Variants in ZNF385D observed in about 807,000 individuals in gnomAD.
ZNF385D encodes zinc finger protein 659.
In ZNF385D, 15 loss-of-function variants were observed where a neutral mutation model predicts 35.8. The observed-to-expected ratio is 0.42, with a 90% CI of 0.28 to 0.64. The LOEUF is 0.64. Ranked by LOEUF, ZNF385D falls within the 30% of genes least tolerant of loss-of-function variation. ZNF385D has a pLI of 0.23. For synonymous variants in ZNF385D, 212 were observed against 186.8 expected (o/e 1.13, Z -1.10); for missense variants, 474 against 494.6 (o/e 0.96, Z 0.39).
intron 3 of ZNF385D, among the ~76,000 whole-genome samples, chr3:21,813,545 T>C (rs2073023269): frequency 1.3e-5 from 2 of 152,138 alleles, no homozygotes; most frequent in Non-Finnish European, 1.5e-5. Context: ...ACGAGAATTA[T>C]GCGACTCATG....
intron 4 of ZNF385D, among the ~76,000 whole-genome samples, chr3:21,494,008 A>G: frequency 6.6e-6 from 1 of 152,052 alleles, no homozygotes; most frequent in East Asian, 1.9e-4. Flanking sequence ...GGGTTTTGTT[A>G]TTCCAGAGAA....
In ZNF385D at chr3:22,317,044, G is replaced by A. The variant is rs370832523; in HGVS notation, c.106+55406C>T. ...TGAAATCCGAACACTTTGGGAGGCC[G>A]AGGTGGGCGGATTACCTGAGGTCAG... On this transcript the variant is annotated intron_variant, in intron 2 of 5. Transcript: ENST00000494108. Among the ~76,000 whole-genome samples the A allele has an allele frequency of 6.8e-4, 103 of 152,028 alleles. 2 individuals carry two copies. The highest frequency in any genetic ancestry group is 6.0e-3 in the South Asian group (29 of 4,810).
At chr3:21,752,495 T>G (rs771223925), upstream of ZNF385D, among the ~76,000 whole-genome samples, 9 of 152,190 alleles carry the variant, frequency 5.9e-5, no homozygotes, top group Non-Finnish European at 1.0e-4. Context: ...GCATAGAAAC[T>G]AGGGGGCTGA....
intron 3 of ZNF385D, among the ~76,000 whole-genome samples, chr3:22,163,431 G>C (rs896947190): frequency 7.2e-5 from 11 of 152,102 alleles, no homozygotes; most frequent in African/African-American, 2.7e-4. Flanking sequence ...GTGATCTTCA[G>C]AAGATCATTT....
chr3:22,169,832 T>C (rs1362729621), intron 2 of ZNF385D, among the ~76,000 whole-genome samples: 2 of 152,180 alleles, frequency 1.3e-5, no homozygotes, highest in Non-Finnish European at 2.9e-5. Context: ...TTTCACTCTG[T>C]CACTTAAGCT....
chr3:22,119,267 A>G (rs534196147), intron 3 of ZNF385D, among the ~76,000 whole-genome samples: 1 of 152,278 alleles, frequency 6.6e-6, no homozygotes, highest in East Asian at 1.9e-4. Flanking sequence ...CATCTTCATT[A>G]CTATAAAATT....
At chr3:22,151,575 G>A (rs78271522) in intron 3 of ZNF385D, among the ~76,000 whole-genome samples, 2 of 152,074 alleles carry the variant, frequency 1.3e-5, no homozygotes, top group Non-Finnish European at 1.5e-5. Context: ...GTGACTAAAG[G>A]CAAGTCAGCT....
chr3:21,486,600 G>T (rs796140197), intron 4 of ZNF385D, among the ~76,000 whole-genome samples: 12 of 152,146 alleles, frequency 7.9e-5, no homozygotes, highest in African/African-American at 2.2e-4. Context: ...CCTATCTGCT[G>T]GGAAGTAAAA....
intron 2 of ZNF385D, among the ~76,000 whole-genome samples, chr3:22,361,016 CCATTT>C (rs1308265208): frequency 6.6e-6 from 1 of 151,962 alleles, no homozygotes; most frequent in Non-Finnish European, 1.5e-5. Context: ...TTAAAATATC[CCATTT>C]CATTTATGAG....
intron 3 of ZNF385D, among the ~76,000 whole-genome samples, chr3:21,762,750 G>T (rs999573456): frequency 6.6e-6 from 1 of 152,120 alleles, no homozygotes; most frequent in East Asian, 1.9e-4. Context: ...GCTGTGGAGA[G>T]CTGCCTTGTC....
chr3:21,521,578 C>T (rs1182890034), intron 3 of ZNF385D, among the ~76,000 whole-genome samples: 2 of 150,282 alleles, frequency 1.3e-5, no homozygotes, highest in African/African-American at 2.5e-5. Context: ...CAAAGCAAAA[C>T]CCCCAACTCT....
Position 21,474,573 on chromosome 3 carries a change from C to T in ZNF385D, c.439+36288G>A, listed in dbSNP as rs543795000. 2.0e-4 allele frequency among the ~76,000 whole-genome samples: 31 copies of T among 152,236 alleles called. No individual in the cohort carries two copies. In the South Asian group the frequency reaches 6.4e-3, roughly 32 times the overall value. ...TACACACAAATGAGCCTTTATCCTA[C>T]ACCATCTGCTTATAGTACAAACTGC... On this transcript the variant is annotated intron_variant, in intron 4 of 7. Coordinates refer to ENST00000281523, the MANE Select transcript of ZNF385D (RefSeq NM_024697.3).
chr3:22,257,733 T>G (rs903649146), intron 2 of ZNF385D, among the ~76,000 whole-genome samples: 1 of 151,820 alleles, frequency 6.6e-6, no homozygotes, highest in African/African-American at 2.4e-5. Flanking sequence ...ATACTATCAC[T>G]TTCTCAAATT....
At chr3:22,092,017 G>A (rs972869862) in intron 3 of ZNF385D, among the ~76,000 whole-genome samples, 2 of 152,112 alleles carry the variant, frequency 1.3e-5, no homozygotes, top group African/African-American at 4.8e-5. Context: ...CTTTCAGGAA[G>A]AACATTTATA....
intron 3 of ZNF385D, among the ~76,000 whole-genome samples, chr3:22,077,133 T>C (rs1700503713): frequency 6.6e-6 from 1 of 151,976 alleles, no homozygotes; most frequent in Non-Finnish European, 1.5e-5. Flanking sequence ...ACAGTGTTAG[T>C]AAATGATTAT....
At chr3:21,754,351 C>A (rs748701807), upstream of ZNF385D, among the ~76,000 whole-genome samples, 10 of 152,156 alleles carry the variant, frequency 6.6e-5, no homozygotes, top group Non-Finnish European at 1.2e-4. Context: ...CTCTAAGAAT[C>A]TGTGAGAACC....
At chr3:22,019,353 T>G (rs1278088079) in intron 3 of ZNF385D, among the ~76,000 whole-genome samples, 1 of 151,952 alleles carries the variant, frequency 6.6e-6, no homozygotes, top group South Asian at 2.1e-4. Context: ...AATTTCACTG[T>G]AATTCATTCA....
intron 3 of ZNF385D, among the ~76,000 whole-genome samples, chr3:22,045,427 G>C (rs73822840): frequency 0.092 from 13,960 of 152,130 alleles, 846 homozygotes; most frequent in African/African-American, 0.16. Context: ...AAGAAGAGAG[G>C]CTGGTCTTCC....
At chr3:21,629,787 T>C (rs1005684120) in intron 2 of ZNF385D, among the ~76,000 whole-genome samples, 1 of 152,072 alleles carries the variant, frequency 6.6e-6, no homozygotes, top group Non-Finnish European at 1.5e-5. Context: ...GTTTTTAATA[T>C]CTAGTCATGG....
Sources: gnomAD v4.1 joint callset for allele counts (sites outside exome capture counted in the v4.1 genomes callset) on GRCh38, gnomAD v4.1.1 for gene constraint, MANE v1.5 for transcripts, NCBI Gene and HGNC (gene_info 2026-07-23, HGNC 2026-07-21) for gene names.